MTA1: variants seen among roughly 807,000 people sequenced by gnomAD.
MTA1 encodes metastasis associated 1.
MTA1 carries 15 observed loss-of-function variants against 97.0 expected under a neutral mutation model. That is an observed-to-expected ratio of 0.15 (90% CI 0.10 to 0.24). The LOEUF (loss-of-function observed/expected upper bound fraction) is 0.24. Among genes scored for constraint, MTA1 ranks in the 10% least tolerant of loss-of-function variants. The pLI is 1.00. For synonymous variants in MTA1, 435 were observed against 417.5 expected, an observed-to-expected ratio of 1.04 and a Z score of -0.51; for missense variants, 709 against 1,015.1, an observed-to-expected ratio of 0.70 and a Z score of 4.10.
At chr14:105,421,292 C>A (rs2081826785) in intron 1 of MTA1, among the ~76,000 whole-genome samples, 1 of 152,176 alleles carries the variant, frequency 6.6e-6, no homozygotes, top group Non-Finnish European at 1.5e-5. Flanking sequence ...TGAGCCCACC[C>A]CACGCTCAGG....
In MTA1 at chr14:105,445,582, T is replaced by C. The variant is rs373974023; in HGVS notation, c.190+71T>C. On this transcript the variant is annotated intron_variant, in intron 3 of 20. Coordinates refer to ENST00000331320, the MANE Select transcript of MTA1 (RefSeq NM_004689.4). ...CTGGGGAGGGCTGGCGGGGTCCTTC[T>C]TCCCTAGGGCCCATCGGCATCCTGG... 57 of 1,496,842 alleles carry C rather than the reference T, an allele frequency of 3.8e-5. No homozygotes were observed. In the African/African-American group the frequency reaches 6.9e-4, roughly 18 times the overall value. 92.7% of individuals were successfully genotyped at this position (1,496,842 alleles called of 1,614,324 possible).
chr14:105,449,504 C>A (rs2082841540), intron 4 of MTA1, 95 bp downstream of exon 4: 17 of 1,363,136 alleles, frequency 1.2e-5, no homozygotes, highest in Non-Finnish European at 1.7e-5. Flanking sequence ...GGGCGGGCCG[C>A]CTGCATGCCT....
rs1376123416 is a variant in MTA1 at position 105,470,649 on chromosome 14, G to A, written c.*434G>A. On this transcript the variant is annotated 3_prime_UTR_variant, in exon 21 of 21. Coordinates refer to ENST00000331320, the MANE Select transcript of MTA1 (RefSeq NM_004689.4). ...CGCGGCCGGCCGAGCTGCCTGGCGG[G>A]GTTGGCCCTTGTCTTTTCAAGTAAT... 6.2e-6 allele frequency: 1 copy of A among 162,556 alleles called. No individual in the cohort carries two copies. The highest frequency in any genetic ancestry group is 1.3e-5 in the Non-Finnish European group (1 of 75,562). 10.1% of individuals were successfully genotyped at this position (162,556 alleles called of 1,614,324 possible). A position where few individuals can be genotyped will look rare whatever the true frequency, so the allele number is the denominator to read the frequency against.
chr14:105,441,737 T>A (rs1467942481), intron 2 of MTA1, among the ~76,000 whole-genome samples: 1 of 151,974 alleles, frequency 6.6e-6, no homozygotes, highest in African/African-American at 2.4e-5. Flanking sequence ...GAGCTTGCAG[T>A]GAGCCGAGAT....
At position 105,436,950 on chromosome 14, in the gene MTA1, G is replaced by A. The variant is rs144846324; in HGVS notation, c.29-1722G>A. 1.6e-4 allele frequency among the ~76,000 whole-genome samples: 24 copies of A among 152,336 alleles called. No individual in the cohort carries two copies. The East Asian group carries it at 1.7e-3, about 11-fold the overall frequency. On this transcript the variant is annotated intron_variant, in intron 1 of 20. Coordinates refer to ENST00000331320, the MANE Select transcript of MTA1 (RefSeq NM_004689.4). ...CTGCATTCAGAACACTCCTGTAGCC[G>A]TGACACAGACCCACAGGCCCCCTGT...
At chr14:105,435,177 G>A (rs1472323003) in intron 1 of MTA1, among the ~76,000 whole-genome samples, 2 of 152,234 alleles carry the variant, frequency 1.3e-5, no homozygotes, top group Non-Finnish European at 2.9e-5. Context: ...AATAGCGTAT[G>A]TGTTGGATTT....
At chr14:105,441,793 CA>C (rs1219055194) in intron 2 of MTA1, among the ~76,000 whole-genome samples, 3 of 151,514 alleles carry the variant, frequency 2.0e-5, no homozygotes, top group South Asian at 2.1e-4. Context: ...GACTCTGTCT[CA>C]AAAAAATAAA....
At chr14:105,466,363 G>T (rs2083583440) in intron 16 of MTA1, 63 bp from the exon 17 acceptor site, 1 of 1,470,028 alleles carries the variant, frequency 6.8e-7, no homozygotes, top group African/African-American at 1.4e-5. Context: ...CTGGAGCCTG[G>T]GCCTGCCTGC....
chr14:105,429,349 G>A (rs2082105293), intron 1 of MTA1, among the ~76,000 whole-genome samples: 2 of 151,942 alleles, frequency 1.3e-5, no homozygotes, highest in African/African-American at 4.8e-5. Flanking sequence ...GCGGTGGCAC[G>A]ATCTCGGCTC....
At chr14:105,441,781 G>A (rs587662788) in intron 2 of MTA1, among the ~76,000 whole-genome samples, 47 of 152,234 alleles carry the variant, frequency 3.1e-4, no homozygotes, top group South Asian at 1.0e-3. Flanking sequence ...GCGACAGAGC[G>A]AGACTCTGTC....
At chr14:105,455,520 G>A (rs2083112376) in intron 7 of MTA1, among the ~76,000 whole-genome samples, 1 of 152,226 alleles carries the variant, frequency 6.6e-6, no homozygotes, top group African/African-American at 2.4e-5. Flanking sequence ...CCTGCTTGCA[G>A]TTGTGATCAA....
At chr14:105,457,060 G>T (rs2083180946) in intron 7 of MTA1, among the ~76,000 whole-genome samples, 2 of 152,250 alleles carry the variant, frequency 1.3e-5, no homozygotes, top group Admixed American at 1.3e-4. Flanking sequence ...GCAGCCGGGC[G>T]CCCCAGTGGA....
intron 2 of MTA1, among the ~76,000 whole-genome samples, chr14:105,442,585 G>A (rs1170675431): frequency 6.6e-6 from 1 of 152,280 alleles, no homozygotes; most frequent in Non-Finnish European, 1.5e-5. Flanking sequence ...CGAAGGAAGA[G>A]AAGAAAGAAT....
intron 6 of MTA1, 58 bp downstream of exon 6, chr14:105,450,382 C>T (rs2082877193): frequency 6.4e-7 from 1 of 1,552,118 alleles, no homozygotes; most frequent in Non-Finnish European, 8.8e-7. Flanking sequence ...GTTTCCTCTA[C>T]CTATGACCTC....
intron 1 of MTA1, among the ~76,000 whole-genome samples, chr14:105,430,520 A>G (rs10131764): frequency 0.94 from 143,108 of 152,244 alleles, 67,919 homozygotes; most frequent in East Asian, 1. Flanking sequence ...GAGAATTACC[A>G]AAACGTGACA....
At chr14:105,445,715 G>A (rs1555426990) in intron 3 of MTA1, 1 of 690,616 alleles carries the variant, frequency 1.4e-6, no homozygotes, top group Admixed American at 2.1e-5. Flanking sequence ...GGTGAATGAA[G>A]TCCTCGCACG....
Position 105,469,864 on chromosome 14 carries a change from C to G in MTA1, c.1869C>G (p.Leu623=), listed in dbSNP as rs1555433894. 4 of 1,609,178 alleles carry G rather than the reference C, an allele frequency of 2.5e-6. No individual in the cohort carries two copies. Among genetic ancestry groups the G allele is most frequent in the Non-Finnish European group, 3.4e-6 (4 of 1,178,464 alleles). ...AGGGACCAAGCCGGAACCTCCTGCT[C>G]AACGGGAAGTCCTACCCCACCAAAG... The part of the protein sequence containing the change: ...RHMGPSRNLL[L]NGKSYPTKVR... The change falls in exon 20 of 21, where the codon CTC becomes CTG. Residue 623 remains leucine (L), a synonymous_variant. Coordinates refer to ENST00000331320, the MANE Select transcript of MTA1 (RefSeq NM_004689.4).
At position 105,463,255 on chromosome 14, in the gene MTA1, G is replaced by C; in HGVS notation, c.1014G>C (p.Gln338His). 1 of 1,610,112 alleles carries C rather than the reference G, an allele frequency of 6.2e-7. No individual in the cohort carries two copies. Among genetic ancestry groups the C allele is most frequent in the Non-Finnish European group, 8.5e-7 (1 of 1,179,706 alleles). ...GGAAGACCACCGACAGATACGTGCA[G>C]CAGGTGAGCCCGCCCGCCACTCAGT... is the stretch of plus-strand genomic sequence containing the variant. ...YMWKTTDRYV[Q>H]QKRLKAAEAE... Residue 338 changes from glutamine to histidine, a missense_variant, in exon 11 of 21, where the codon CAG (glutamine) becomes CAC (histidine). Transcript: ENST00000331320. The surrounding 1 kb of genome is among the most constrained non-coding windows in gnomAD (Gnocchi z 5.9).
intron 1 of MTA1, among the ~76,000 whole-genome samples, chr14:105,428,677 T>C (rs891325246): frequency 6.6e-6 from 1 of 151,984 alleles, no homozygotes; most frequent in Non-Finnish European, 1.5e-5. Context: ...GAGTTTAGAA[T>C]TGGCTTGTTA....
Sources: gnomAD v4.1 joint callset for allele counts (sites outside exome capture counted in the v4.1 genomes callset) on GRCh38, gnomAD v4.1.1 for gene constraint, Gnocchi (gnomAD v3.1) non-coding constraint, MANE v1.5 for transcripts, NCBI Gene and HGNC (gene_info 2026-07-23, HGNC 2026-07-21) for gene names.